The following LRRC37A2 variants were observed in gnomAD, a reference collection of about 807,000 sequenced individuals.
The protein encoded by LRRC37A2 is leucine rich repeat containing 37 member A2, also known as leucine-rich repeat-containing protein 37A2.
A neutral mutation model predicts 68.8 loss-of-function variants in LRRC37A2; 9 were observed. The observed-to-expected ratio is 0.13, with a 90% CI of 0.08 to 0.23. LRRC37A2 has a LOEUF of 0.23. Among genes scored for constraint, LRRC37A2 ranks in the 10% least tolerant of loss-of-function variants. The pLI, the probability that LRRC37A2 is intolerant of heterozygous loss-of-function variation, is 1.00. For synonymous variants in LRRC37A2, 63 were observed against 367.6 expected (o/e 0.17, Z 9.48); for missense variants, 168 against 950.4 (o/e 0.18, Z 10.82).
the LRRC37A2 span, chr17:47,019,007 C>T: frequency 4.7e-5 from 69 of 1,482,706 alleles, no homozygotes; most frequent in Admixed American, 6.9e-4. Flanking sequence ...TGTCACCCAG[C>T]GTTACAGTTC....
chr17:46,748,525 T>C, the LRRC37A2 span, among the ~76,000 whole-genome samples: 1 of 152,116 alleles, frequency 6.6e-6, no homozygotes, highest in Non-Finnish European at 1.5e-5. Context: ...CCTCCCTCAC[T>C]CTTTCTGAGG....
At chr17:46,825,429 C>T in the LRRC37A2 span, among the ~76,000 whole-genome samples, 276 of 152,366 alleles carry the variant, frequency 1.8e-3, 1 homozygote, top group African/African-American at 6.2e-3. Flanking sequence ...CTGTATTTCT[C>T]ATCGCACACA....
chr17:46,713,317 C>T, the LRRC37A2 span: 1 of 153,256 alleles, frequency 6.5e-6, no homozygotes, highest in Non-Finnish European at 1.5e-5. Flanking sequence ...ACGAGGGACA[C>T]AGCTTCCAAA....
the LRRC37A2 span, among the ~76,000 whole-genome samples, chr17:46,792,890 G>T: frequency 4.6e-5 from 7 of 152,116 alleles, no homozygotes; most frequent in East Asian, 9.7e-4. Flanking sequence ...CCAATTTAAC[G>T]GATGATGACA....
the LRRC37A2 span, among the ~76,000 whole-genome samples, chr17:46,854,628 A>T: frequency 4.0e-5 from 4 of 98,896 alleles, no homozygotes; most frequent in Admixed American, 1.3e-4. Context: ...TAATGGTGAT[A>T]AAAAAAAACA....
the LRRC37A2 span, chr17:46,932,625 A>G: frequency 3.0e-6 from 1 of 330,260 alleles, no homozygotes; most frequent in South Asian, 5.5e-5. Flanking sequence ...TGTCAGGTGC[A>G]TTAAGATGTT....
the LRRC37A2 span, among the ~76,000 whole-genome samples, chr17:46,708,490 CCTT>C: frequency 6.3e-5 from 9 of 143,048 alleles, no homozygotes; most frequent in African/African-American, 2.3e-4. Context: ...TGTTACATAT[CCTT>C]TTTTTTTTTT....
the LRRC37A2 span, among the ~76,000 whole-genome samples, chr17:46,878,223 A>C: frequency 6.6e-6 from 1 of 152,200 alleles, no homozygotes; most frequent in African/African-American, 2.4e-5. Flanking sequence ...TGGCCCTGCC[A>C]CGCCCATCTG....
the LRRC37A2 span, among the ~76,000 whole-genome samples, chr17:46,784,217 T>C: frequency 6.6e-6 from 1 of 152,086 alleles, no homozygotes; most frequent in Non-Finnish European, 1.5e-5. Flanking sequence ...GAGGAAAGTA[T>C]GGCCAAAGTT....
At chr17:46,935,300 A>C in the LRRC37A2 span, 1 of 1,557,118 alleles carries the variant, frequency 6.4e-7, no homozygotes, top group Non-Finnish European at 8.7e-7. Context: ...AGAGCCCTTG[A>C]GTTTGGGATC....
At chr17:46,810,021 T>TTTC in the LRRC37A2 span, among the ~76,000 whole-genome samples, 1,184 of 150,074 alleles carry the variant, frequency 7.9e-3, 17 homozygotes, top group African/African-American at 0.027. Flanking sequence ...TTTTTTTTTT[T>TTTC]TTGAGACAGA....
the LRRC37A2 span, among the ~76,000 whole-genome samples, chr17:46,796,890 C>T: frequency 2.0e-5 from 3 of 152,184 alleles, no homozygotes; most frequent in African/African-American, 7.2e-5. Flanking sequence ...AACTAGTTTA[C>T]ACGGGATGAT....
the LRRC37A2 span, among the ~76,000 whole-genome samples, chr17:46,685,465 T>C: frequency 2.0e-5 from 3 of 151,990 alleles, no homozygotes; most frequent in African/African-American, 7.3e-5. Context: ...CAGTCCACAC[T>C]GACGGAGATG....
At chr17:46,543,541 T>C (rs1340159902) in intron 8 of LRRC37A2, among the ~76,000 whole-genome samples, 4 of 150,932 alleles carry the variant, frequency 2.7e-5, no homozygotes, top group Admixed American at 6.6e-5. Context: ...CATTGAGTGA[T>C]GATAGTCCTC....
At chr17:46,978,400 A>AAG in the LRRC37A2 span, 2 of 504,684 alleles carry the variant, frequency 4.0e-6, no homozygotes, top group East Asian at 7.1e-5. Context: ...AAACAAAAAA[A>AAG]ACTGGTAAGA....
At chr17:47,017,105 GAGC>G in the LRRC37A2 span, 1 of 1,564,818 alleles carries the variant, frequency 6.4e-7, no homozygotes, top group Non-Finnish European at 8.7e-7. Context: ...TGGTGACATG[GAGC>G]AGATCTGTGG....
the LRRC37A2 span, among the ~76,000 whole-genome samples, chr17:46,994,710 A>G: frequency 6.6e-6 from 1 of 152,122 alleles, no homozygotes; most frequent in Non-Finnish European, 1.5e-5. Flanking sequence ...CTCAGCATCA[A>G]GCAGTTGTCG....
At chr17:46,867,854 G>A in the LRRC37A2 span, among the ~76,000 whole-genome samples, 1 of 152,158 alleles carries the variant, frequency 6.6e-6, no homozygotes, top group African/African-American at 2.4e-5. Context: ...AAGTGGTTGG[G>A]GGTGTCCTGG....
the LRRC37A2 span, among the ~76,000 whole-genome samples, chr17:46,726,887 G>C: frequency 6.6e-6 from 1 of 152,112 alleles, no homozygotes; most frequent in African/African-American, 2.4e-5. Flanking sequence ...CCTTGCCATA[G>C]TAAATGATTA....
Sources: allele counts gnomAD v4.1 joint callset (sites outside exome capture counted in the v4.1 genomes callset), GRCh38; gene constraint gnomAD v4.1.1; transcripts MANE v1.5; gene names NCBI Gene and HGNC (gene_info 2026-07-23, HGNC 2026-07-21).